NAA16: variants seen among roughly 807,000 people sequenced by gnomAD.
The protein encoded by NAA16 is NARG1-like protein.
NAA16 carries 97 observed loss-of-function variants against 110.3 expected under a neutral mutation model. The observed-to-expected ratio is 0.88, with a 90% confidence interval of 0.75 to 1.04. The LOEUF is 1.04. Ranked by LOEUF, NAA16 falls within the 50% of genes least tolerant of loss-of-function variation. The pLI is 0.00. For synonymous variants in NAA16, 372 were observed against 330.6 expected (o/e 1.13, Z -1.36); for missense variants, 1,017 against 1,005.1 (o/e 1.01, Z -0.16).
intron 9 of NAA16, among the ~76,000 whole-genome samples, chr13:41,343,788 G>T (rs562714364): frequency 3.9e-5 from 6 of 152,128 alleles, no homozygotes; most frequent in South Asian, 2.1e-4. Flanking sequence ...CAGTCTGCCC[G>T]CCTTGGCCTC....
Position 41,375,647 on chromosome 13 carries a change from G to C in NAA16, c.*45G>C. On this transcript the variant is annotated 3_prime_UTR_variant, in exon 20 of 20. Coordinates refer to ENST00000379406, the MANE Select transcript of NAA16 (RefSeq NM_024561.5). ...TCCTATAGACTCAAAGCTGAATTGA[G>C]ATCAGGGTTTCTTTTCCAGGGTGCA... is the stretch of plus-strand genomic sequence containing the variant. The C allele has an allele frequency of 7.0e-7, 1 of 1,418,840 alleles. No individual in the cohort carries two copies. Among genetic ancestry groups the C allele is most frequent in the Non-Finnish European group, 9.6e-7 (1 of 1,045,972 alleles). The allele number at this position is 1,418,840 out of a possible 1,614,324, so 87.9% of individuals were successfully genotyped here.
intron 17 of NAA16, chr13:41,373,247 T>A: frequency 1.3e-6 from 1 of 799,402 alleles, no homozygotes; most frequent in Non-Finnish European, 1.5e-6. Flanking sequence ...AAAGGTTTTT[T>A]GTTGTTGTTG....
intron 13 of NAA16, among the ~76,000 whole-genome samples, chr13:41,364,995 C>T (rs889211915): frequency 6.6e-6 from 1 of 152,126 alleles, no homozygotes; most frequent in South Asian, 2.1e-4. Flanking sequence ...AAACACTACA[C>T]TCTAAAGCTG....
At chr13:41,327,079 A>T (rs541101925) in intron 6 of NAA16, among the ~76,000 whole-genome samples, 19 of 152,152 alleles carry the variant, frequency 1.2e-4, no homozygotes, top group African/African-American at 4.6e-4. Flanking sequence ...CCTGAGAAAG[A>T]TTGGCTTTTT....
intron 9 of NAA16, among the ~76,000 whole-genome samples, chr13:41,352,785 C>T (rs1414128231): frequency 1.3e-5 from 2 of 151,814 alleles, no homozygotes; most frequent in South Asian, 2.1e-4. Flanking sequence ...ACCTTTTTTC[C>T]CCCGTAATCA....
In NAA16 at chr13:41,376,986, A is replaced by T. The variant is rs1196492843; in HGVS notation, c.*1384A>T. On this transcript the variant is annotated 3_prime_UTR_variant, in exon 20 of 20. Coordinates refer to ENST00000379406, the MANE Select transcript of NAA16 (RefSeq NM_024561.5). Reference sequence around the variant, plus strand: ...GACGGGAAAAACTCGCTGTAAAATAATGCCAACCTAGATAATGCTATAATA... The same window carrying T: ...GACGGGAAAAACTCGCTGTAAAATATTGCCAACCTAGATAATGCTATAATA... 1 of 152,236 alleles carries T rather than the reference A, an allele frequency of 6.6e-6. No homozygotes were observed. 9.4% of individuals were successfully genotyped at this position (152,236 alleles called of 1,614,324 possible).
At chr13:41,360,576 G>A (rs973075096) in intron 12 of NAA16, among the ~76,000 whole-genome samples, 2 of 152,258 alleles carry the variant, frequency 1.3e-5, no homozygotes, top group Non-Finnish European at 2.9e-5. Flanking sequence ...CATCATAACT[G>A]CCTCTGATCA....
intron 9 of NAA16, among the ~76,000 whole-genome samples, chr13:41,345,083 C>T (rs1315104362): frequency 6.6e-6 from 1 of 152,142 alleles, no homozygotes; most frequent in Non-Finnish European, 1.5e-5. Flanking sequence ...TGTAACATTC[C>T]ATTTTATGGA....
At chr13:41,358,231 GAATTA>G in intron 10 of NAA16, 68 bp from the exon 11 acceptor site, 1 of 1,280,862 alleles carries the variant, frequency 7.8e-7, no homozygotes. Context: ...ATTTCATTAT[GAATTA>G]GGAGAGAGAA....
At chr13:41,317,407 AGTT>A (rs1206709337) in intron 2 of NAA16, among the ~76,000 whole-genome samples, 1 of 151,764 alleles carries the variant, frequency 6.6e-6, no homozygotes, top group Non-Finnish European at 1.5e-5. Context: ...GTATATTTTG[AGTT>A]GTTTTCTAAC....
intron 6 of NAA16, among the ~76,000 whole-genome samples, chr13:41,326,783 T>G (rs2042103451): frequency 6.6e-6 from 1 of 152,092 alleles, no homozygotes; most frequent in Non-Finnish European, 1.5e-5. Flanking sequence ...GTGCAGAGAG[T>G]TCCCATATAT....
At chr13:41,373,889 G>A in intron 18 of NAA16, 109 bp downstream of exon 18, 1 of 1,392,540 alleles carries the variant, frequency 7.2e-7, no homozygotes, top group East Asian at 2.7e-5. Flanking sequence ...GTGTAAGTAT[G>A]GGGAGAGAAA....
At chr13:41,341,513 T>C (rs2042545884) in intron 9 of NAA16, among the ~76,000 whole-genome samples, 1 of 151,948 alleles carries the variant, frequency 6.6e-6, no homozygotes, top group African/African-American at 2.4e-5. Flanking sequence ...GATCAGGAGT[T>C]CAAGACAAGC....
At chr13:41,323,789 G>A (rs182840604) in intron 5 of NAA16, among the ~76,000 whole-genome samples, 38 of 152,118 alleles carry the variant, frequency 2.5e-4, no homozygotes, top group African/African-American at 7.2e-4. Flanking sequence ...CTGCCTCCAC[G>A]TTTCAATGGA....
intron 9 of NAA16, among the ~76,000 whole-genome samples, chr13:41,350,537 C>T (rs1398916340): frequency 1.3e-5 from 2 of 151,176 alleles, no homozygotes; most frequent in Non-Finnish European, 3.0e-5. Flanking sequence ...ACCTCATGAT[C>T]CACCCGCCTC....
At chr13:41,355,581 C>T (rs904400740) in intron 10 of NAA16, among the ~76,000 whole-genome samples, 1 of 152,136 alleles carries the variant, frequency 6.6e-6, no homozygotes, top group Non-Finnish European at 1.5e-5. Context: ...AGGCGCCTGC[C>T]ACCACTCCTG....
At chr13:41,343,086 T>G (rs1223009085) in intron 9 of NAA16, among the ~76,000 whole-genome samples, 1 of 152,160 alleles carries the variant, frequency 6.6e-6, no homozygotes, top group Non-Finnish European at 1.5e-5. Flanking sequence ...TTAAGAGCAT[T>G]TACACATTTA....
chr13:41,354,664 C>T (rs1346671902), intron 9 of NAA16: 1 of 152,280 alleles, frequency 6.6e-6, no homozygotes, highest in Admixed American at 6.5e-5. Context: ...GAGCACCAGA[C>T]CTTATTTTGT....
chr13:41,353,320 T>C (rs900409041), intron 9 of NAA16, among the ~76,000 whole-genome samples: 4 of 152,196 alleles, frequency 2.6e-5, no homozygotes, highest in African/African-American at 9.7e-5. Context: ...GTTACAGATA[T>C]TCTAGGTGAG....
Sources: gnomAD v4.1 joint callset for allele counts (sites outside exome capture counted in the v4.1 genomes callset) on GRCh38, gnomAD v4.1.1 for gene constraint, MANE v1.5 for transcripts, NCBI Gene and HGNC (gene_info 2026-07-23, HGNC 2026-07-21) for gene names.